CACNA1I: variants seen among roughly 807,000 people sequenced by gnomAD.
The protein encoded by CACNA1I is voltage-dependent T-type calcium channel subunit alpha-1I.
CACNA1I carries 74 observed loss-of-function variants against 201.6 expected under a neutral mutation model. The ratio of observed to expected loss-of-function variants is 0.37; its 90% CI spans 0.30 to 0.45. The LOEUF is 0.45. CACNA1I is among the 20% of genes least tolerant of loss of function. The pLI is 1.00. For synonymous variants in CACNA1I, 1,431 were observed against 1,345.2 expected (o/e 1.06, Z -1.40); for missense variants, 2,346 against 3,138.1 (o/e 0.75, Z 6.03).
chr22:39,669,685 T>C (rs1411128020), intron 24 of CACNA1I, among the ~76,000 whole-genome samples: 1 of 150,584 alleles, frequency 6.6e-6, no homozygotes, highest in African/African-American at 2.4e-5. Context: ...GGTGGATGGA[T>C]GGATGGATGG....
intron 1 of CACNA1I, among the ~76,000 whole-genome samples, chr22:39,588,388 T>TC (rs201512225): frequency 2.8e-4 from 40 of 142,754 alleles, no homozygotes; most frequent in African/African-American, 3.9e-4. Flanking sequence ...TTTCTTTCTT[T>TC]TTTTTTTTTT....
intron 28 of CACNA1I, 92 bp from the exon 29 acceptor site, chr22:39,673,871 T>G (rs1296167825): frequency 4.2e-5 from 53 of 1,251,302 alleles, no homozygotes; most frequent in Admixed American, 9.5e-5. Flanking sequence ...TCATGTTCTC[T>G]TCTCCCAAGT....
At chr22:39,618,565 C>T (rs1041442077) in intron 3 of CACNA1I, among the ~76,000 whole-genome samples, 3 of 151,768 alleles carry the variant, frequency 2.0e-5, no homozygotes, top group Non-Finnish European at 4.4e-5. Flanking sequence ...CTTCAAGCAG[C>T]GGGAGGGGGT....
chr22:39,623,059 G>A (rs1933795929), intron 4 of CACNA1I, among the ~76,000 whole-genome samples: 1 of 152,224 alleles, frequency 6.6e-6, no homozygotes, highest in African/African-American at 2.4e-5. Flanking sequence ...CCAGCAGGGG[G>A]CAGCACTGTG....
Position 39,665,415 on chromosome 22 carries a change from G to C in CACNA1I, c.3852-83G>C. On this transcript the variant is annotated intron_variant, in intron 21 of 36. Transcript: ENST00000402142. The surrounding 1 kb of genome is among the most constrained non-coding windows in gnomAD (Gnocchi z 5.5). ...GGGGACTCATGCCCTGGGATACTCA[G>C]CCCTGGTGACTCTGGGCTGAGTAGG... The C allele has an allele frequency of 6.5e-7, 1 of 1,546,424 alleles. No individual in the cohort carries two copies. The highest frequency in any genetic ancestry group is 1.2e-5 in the South Asian group (1 of 85,554).
chr22:39,642,535 T>C (rs1934375989), intron 6 of CACNA1I, among the ~76,000 whole-genome samples: 2 of 152,156 alleles, frequency 1.3e-5, no homozygotes. Flanking sequence ...GCTGGTGTGG[T>C]AGACTGGAGG....
intron 4 of CACNA1I, among the ~76,000 whole-genome samples, chr22:39,633,544 C>T (rs932813825): frequency 3.9e-5 from 6 of 152,126 alleles, no homozygotes; most frequent in East Asian, 1.9e-4. Flanking sequence ...CACAGGGCTG[C>T]GGTGGCTGAA....
In CACNA1I at chr22:39,659,597, A is replaced by G. The variant is rs1483528371; in HGVS notation, c.2448+47A>G. 6.3e-7 allele frequency: 1 copy of G among 1,599,264 alleles called. No homozygotes were observed. Among genetic ancestry groups the G allele is most frequent in the Admixed American group, 1.7e-5 (1 of 59,928 alleles). On this transcript the variant is annotated intron_variant, in intron 13 of 36. Transcript: ENST00000402142. The surrounding 1 kb of genome is among the most constrained non-coding windows in gnomAD (Gnocchi z 4.3). ...ATGTTTGCTGGGGAAGCGATGGGACAGTAGGCCTGGGAGGGGCGGGGCTGA... is the reference window on the plus strand; with the variant it reads ...ATGTTTGCTGGGGAAGCGATGGGACGGTAGGCCTGGGAGGGGCGGGGCTGA...
chr22:39,657,075 A>AG lies in CACNA1I; in HGVS notation c.1993-1071dup, dbSNP rs1328330244. Among the ~76,000 whole-genome samples, 5 of 152,258 alleles carry AG rather than the reference A, an allele frequency of 3.3e-5. No homozygotes were observed. The South Asian group carries it at 1.0e-3, about 32-fold the overall frequency. ...GGATAAGGAAACTAAACTCCAGAGG[A>AG]GGGGGGAAGCAACTTTCCCAGGACC... On this transcript the variant is annotated intron_variant, in intron 10 of 36. Transcript: ENST00000402142.
intron 7 of CACNA1I, among the ~76,000 whole-genome samples, chr22:39,646,339 T>G (rs1338549366): frequency 6.6e-6 from 1 of 151,960 alleles, no homozygotes; most frequent in Non-Finnish European, 1.5e-5. Context: ...CCTCACTGTC[T>G]CTTTCTACCT....
Position 39,584,229 on chromosome 22 carries a change from T to C in CACNA1I, c.236+13241T>C, listed in dbSNP as rs189535330. Among the ~76,000 whole-genome samples the C allele has an allele frequency of 1.5e-3, 234 of 151,822 alleles. 2 individuals carry two copies. Among genetic ancestry groups the C allele is most frequent in the African/African-American group, 5.2e-3 (216 of 41,344 alleles). Reference sequence around the variant, plus strand: ...GAAAGGAAGGGTTTAGGTGGTGAAATGGACAGATCTCCGAGATAGATGTGG... The same window carrying C: ...GAAAGGAAGGGTTTAGGTGGTGAAACGGACAGATCTCCGAGATAGATGTGG... On this transcript the variant is annotated intron_variant, in intron 1 of 36. Transcript: ENST00000402142.
At chr22:39,626,324 G>A (rs1038485367) in intron 4 of CACNA1I, among the ~76,000 whole-genome samples, 37 of 152,234 alleles carry the variant, frequency 2.4e-4, no homozygotes, top group African/African-American at 8.0e-4. Context: ...GTGTGCCTAC[G>A]CGATCCGCAG....
At chr22:39,600,375 C>G (rs1345661966) in intron 2 of CACNA1I, 145 bp from the exon 3 acceptor site, 3 of 635,932 alleles carry the variant, frequency 4.7e-6, no homozygotes, top group East Asian at 5.9e-5. Context: ...CACTGAGGTT[C>G]TCCTCCTGCC....
chr22:39,647,059 C>T (rs994410054), intron 8 of CACNA1I, among the ~76,000 whole-genome samples, 178 bp downstream of exon 8: 1 of 152,278 alleles, frequency 6.6e-6, no homozygotes, highest in Non-Finnish European at 1.5e-5. Context: ...TCTCCTGGCA[C>T]CTGTCAGAGC....
chr22:39,588,561 AT>A (rs1197555157), intron 1 of CACNA1I, among the ~76,000 whole-genome samples: 4 of 150,790 alleles, frequency 2.7e-5, no homozygotes, highest in South Asian at 2.1e-4. Context: ...TATTTTTTGT[AT>A]TTTTAGTAGA....
chr22:39,592,962 A>G (rs1320735077), intron 1 of CACNA1I, among the ~76,000 whole-genome samples: 6 of 152,220 alleles, frequency 3.9e-5, no homozygotes, highest in Admixed American at 3.9e-4. Flanking sequence ...AACCGCGGGC[A>G]GTGATGCCAG....
intron 28 of CACNA1I, 136 bp downstream of exon 28, chr22:39,673,218 C>A: frequency 1.0e-6 from 1 of 963,276 alleles, no homozygotes; most frequent in African/African-American, 1.6e-5. Context: ...GGGCTCCTTG[C>A]TGAACAGGGG....
intron 6 of CACNA1I, among the ~76,000 whole-genome samples, chr22:39,641,710 C>T (rs144567690): frequency 6.6e-6 from 1 of 152,328 alleles, no homozygotes; most frequent in East Asian, 1.9e-4. Flanking sequence ...CACAAAGCAG[C>T]ACTAGCCTCA....
intron 5 of CACNA1I, among the ~76,000 whole-genome samples, chr22:39,635,770 C>G (rs1934200136): frequency 6.6e-6 from 1 of 152,056 alleles, no homozygotes; most frequent in African/African-American, 2.4e-5. Flanking sequence ...GAGCTCCGCC[C>G]CTCTGTCCCA....
Sources: allele counts gnomAD v4.1 joint callset (sites outside exome capture counted in the v4.1 genomes callset), GRCh38; gene constraint gnomAD v4.1.1; non-coding constraint Gnocchi (gnomAD v3.1); transcripts MANE v1.5; gene names NCBI Gene and HGNC (gene_info 2026-07-23, HGNC 2026-07-21).